SULF2: variants seen among roughly 807,000 people sequenced by gnomAD.
SULF2 encodes extracellular sulfatase Sulf-2.
Under a neutral mutation model 107.7 loss-of-function variants are expected in SULF2, and 52 were observed. That is an observed-to-expected ratio of 0.48 (90% CI 0.39 to 0.61). The LOEUF (loss-of-function observed/expected upper bound fraction) is 0.61. Ranked by LOEUF, SULF2 falls within the 20% of genes least tolerant of loss-of-function variation. SULF2 has a pLI of 0.00. For missense variants in SULF2, 993 were observed against 1,177.3 expected, an observed-to-expected ratio of 0.84 and a Z score of 2.29; for synonymous variants, 460 against 464.3, an observed-to-expected ratio of 0.99 and a Z score of 0.12.
chr20:47,749,434 T>C (rs1475491880), intron 2 of SULF2, among the ~76,000 whole-genome samples: 2 of 152,242 alleles, frequency 1.3e-5, no homozygotes, highest in Non-Finnish European at 2.9e-5. Flanking sequence ...CTCTTCTTCC[T>C]GAGATAACCT....
At chr20:47,763,186 T>TCCTC (rs1186007512) in intron 1 of SULF2, among the ~76,000 whole-genome samples, 11 of 152,270 alleles carry the variant, frequency 7.2e-5, no homozygotes, top group African/African-American at 2.6e-4. Flanking sequence ...TCTCTCTGGC[T>TCCTC]CCTCCTCTCC....
At chr20:47,766,817 A>C (rs904817641) in intron 1 of SULF2, among the ~76,000 whole-genome samples, 1 of 152,212 alleles carries the variant, frequency 6.6e-6, no homozygotes, top group African/African-American at 2.4e-5. Flanking sequence ...GAAACAATGT[A>C]TTCAAGTCTT....
intron 3 of SULF2, among the ~76,000 whole-genome samples, chr20:47,724,282 ACAGGGACAAG>A (rs2089376820): frequency 1.3e-5 from 2 of 152,326 alleles, no homozygotes; most frequent in African/African-American, 4.8e-5. Flanking sequence ...CTGGGGACAA[ACAGGGACAAG>A]CAGATCGCCA....
rs900626266 is a variant in SULF2, at chr20:47,774,421, G to A, written c.-101+10922C>T. On this transcript the variant is annotated intron_variant, in intron 1 of 20. Coordinates refer to ENST00000688720, the MANE Select transcript of SULF2 (RefSeq NM_001387048.1). ...CATTGAGCCCAGGTCCCTCATTACC[G>A]CGCATGCTCTCCTTTCAGGAGCCAG... Among the ~76,000 whole-genome samples, 10 of 152,290 alleles carry A rather than the reference G, an allele frequency of 6.6e-5. No individual in the cohort carries two copies. In the South Asian group the frequency reaches 1.0e-3, roughly 16 times the overall value.
rs541021100 is a variant in SULF2, at chr20:47,698,296, C to T, written c.567+4223G>A. Among the ~76,000 whole-genome samples, 173 of 152,304 alleles carry T rather than the reference C, an allele frequency of 1.1e-3. 1 individual carries two copies. Among genetic ancestry groups the T allele is most frequent in the Middle Eastern group, 3.4e-3 (1 of 294 alleles). On this transcript the variant is annotated intron_variant, in intron 4 of 20. Transcript: ENST00000688720. Reference sequence around the variant, plus strand: ...CGTTCCAGCGTAGAGCTCCTGCTACCCCCATGTCTGGCTCAGGAGTGGAGC... The same window carrying T: ...CGTTCCAGCGTAGAGCTCCTGCTACTCCCATGTCTGGCTCAGGAGTGGAGC...
chr20:47,746,984 A>T (rs1488518059), intron 2 of SULF2, among the ~76,000 whole-genome samples: 3 of 29,404 alleles, frequency 1.0e-4, no homozygotes, highest in Middle Eastern at 0.011. Context: ...TAAATAAATA[A>T]AAAAAAAAAA....
intron 3 of SULF2, among the ~76,000 whole-genome samples, chr20:47,730,512 G>A (rs2089567160): frequency 6.6e-6 from 1 of 152,130 alleles, no homozygotes; most frequent in African/African-American, 2.4e-5. Context: ...GTGCAGTGGT[G>A]CAATCTCGGC....
At position 47,735,968 on chromosome 20, in the gene SULF2, C is replaced by T. The variant is rs544426826; in HGVS notation, c.415+735G>A. ...AGCCACAATATCTTGATTTCACAAC[C>T]GCCGCGGCTTCTTACCCAAGGCGGG... On this transcript the variant is annotated intron_variant, in intron 3 of 20. Coordinates refer to ENST00000688720, the MANE Select transcript of SULF2 (RefSeq NM_001387048.1). Among the ~76,000 whole-genome samples the T allele has an allele frequency of 1.3e-4, 20 of 152,294 alleles. No homozygotes were observed. The South Asian group carries it at 3.5e-3, about 27-fold the overall frequency.
intron 4 of SULF2, among the ~76,000 whole-genome samples, chr20:47,696,502 T>C (rs567645498): frequency 1.3e-5 from 2 of 152,356 alleles, no homozygotes; most frequent in East Asian, 3.9e-4. Context: ...TGCATCTTTT[T>C]ATATTATTAA....
intron 2 of SULF2, among the ~76,000 whole-genome samples, chr20:47,742,255 C>T (rs1003049038): frequency 1.5e-4 from 23 of 152,172 alleles, no homozygotes; most frequent in Admixed American, 1.5e-3. Flanking sequence ...AGGACAGCTC[C>T]GACGGGAGGG....
intron 3 of SULF2, among the ~76,000 whole-genome samples, chr20:47,728,972 C>T (rs867682416): frequency 2.6e-4 from 39 of 152,284 alleles, no homozygotes; most frequent in Middle Eastern, 3.4e-3. Context: ...AGAAACGAGA[C>T]AATCAATGAG....
chr20:47,731,706 G>A (rs1217866425), intron 3 of SULF2, among the ~76,000 whole-genome samples: 1 of 152,240 alleles, frequency 6.6e-6, no homozygotes, highest in Non-Finnish European at 1.5e-5. Flanking sequence ...AAATTGCTGA[G>A]TAGAAGGAGA....
At chr20:47,740,530 T>C (rs1352106935) in intron 2 of SULF2, among the ~76,000 whole-genome samples, 1 of 152,120 alleles carries the variant, frequency 6.6e-6, no homozygotes, top group Non-Finnish European at 1.5e-5. Flanking sequence ...GAAAGGCCAC[T>C]GGGAGCTCCA....
At chr20:47,734,788 T>C (rs896988288) in intron 3 of SULF2, among the ~76,000 whole-genome samples, 4 of 152,264 alleles carry the variant, frequency 2.6e-5, no homozygotes, top group Admixed American at 2.0e-4. Flanking sequence ...TCTGGCTCTT[T>C]ACACTTGACA....
chr20:47,772,012 T>C (rs56710474), intron 1 of SULF2, among the ~76,000 whole-genome samples: 28,119 of 152,188 alleles, frequency 0.18, 4,275 homozygotes, highest in African/African-American at 0.42. Context: ...CCGAAAGGGA[T>C]GACAGGGCTG....
chr20:47,774,749 C>T (rs1353722196), intron 1 of SULF2, among the ~76,000 whole-genome samples: 1 of 152,162 alleles, frequency 6.6e-6, no homozygotes, highest in African/African-American at 2.4e-5. Flanking sequence ...TGACAGCACC[C>T]CAGCTTCCTT....
intron 17 of SULF2, 128 bp downstream of exon 17, chr20:47,662,942 C>T (rs2087131703): frequency 9.6e-7 from 1 of 1,039,766 alleles, no homozygotes; most frequent in Non-Finnish European, 1.4e-6. Context: ...TCACAACTTA[C>T]TCCCACCGGC....
chr20:47,746,887 T>C (rs1194966569), intron 2 of SULF2, among the ~76,000 whole-genome samples: 1 of 150,830 alleles, frequency 6.6e-6, no homozygotes, highest in Admixed American at 6.6e-5. Flanking sequence ...CTAATGTAAA[T>C]GACGAGTTAA....
intron 1 of SULF2, among the ~76,000 whole-genome samples, chr20:47,757,759 C>T (rs1241177131): frequency 6.6e-6 from 1 of 152,064 alleles, no homozygotes; most frequent in Non-Finnish European, 1.5e-5. Context: ...AGATAACAGC[C>T]GTCTCTGAAT....
Sources: gnomAD v4.1 joint callset for allele counts (sites outside exome capture counted in the v4.1 genomes callset) on GRCh38, gnomAD v4.1.1 for gene constraint, MANE v1.5 for transcripts, NCBI Gene and HGNC (gene_info 2026-07-23, HGNC 2026-07-21) for gene names.